Variants in DCAF1 observed in about 807,000 individuals in gnomAD.
DCAF1 encodes the protein DDB1 and CUL4 associated factor 1, also known as DDB1- and CUL4-associated factor 1.
A neutral mutation model predicts 128.0 loss-of-function variants in DCAF1; 15 were observed. The ratio of observed to expected loss-of-function variants is 0.12; its 90% CI spans 0.08 to 0.18. The LOEUF (loss-of-function observed/expected upper bound fraction) is 0.18. DCAF1 is among the 10% of genes least tolerant of loss of function. The pLI is 1.00. For missense variants in DCAF1, 988 were observed against 1,649.5 expected, an observed-to-expected ratio of 0.60 and a Z score of 6.95; for synonymous variants, 610 against 603.0, an observed-to-expected ratio of 1.01 and a Z score of -0.17.
intron 5 of DCAF1, among the ~76,000 whole-genome samples, chr3:51,464,768 G>A (rs538330312): frequency 6.6e-6 from 1 of 152,192 alleles, no homozygotes; most frequent in East Asian, 1.9e-4. Context: ...AAGCCCCTAG[G>A]AGGGCACAAG....
chr3:51,479,197 C>T (rs1246710513), intron 3 of DCAF1, among the ~76,000 whole-genome samples: 1 of 151,978 alleles, frequency 6.6e-6, no homozygotes, highest in Non-Finnish European at 1.5e-5. Context: ...TGAGGAGACA[C>T]CAATAAAAAG....
At chr3:51,444,676 T>C (rs1324588131) in intron 6 of DCAF1, among the ~76,000 whole-genome samples, 1 of 148,924 alleles carries the variant, frequency 6.7e-6, no homozygotes, top group African/African-American at 2.5e-5. Flanking sequence ...TATTGATTGA[T>C]TGATTGATTG....
intron 10 of DCAF1, among the ~76,000 whole-genome samples, chr3:51,431,659 A>C (rs1422892895): frequency 6.6e-6 from 1 of 152,180 alleles, no homozygotes; most frequent in East Asian, 1.9e-4. Context: ...TGTTAATATA[A>C]AACAAGCATC....
intron 9 of DCAF1, 28 bp downstream of exon 9, chr3:51,440,942 G>C (rs370980906): frequency 6.4e-7 from 1 of 1,564,334 alleles, no homozygotes; most frequent in Non-Finnish European, 8.7e-7. Context: ...AAAAATCCCC[G>C]GTGACCCAAT....
At chr3:51,444,955 A>G (rs782134143) in intron 6 of DCAF1, among the ~76,000 whole-genome samples, 132 of 151,734 alleles carry the variant, frequency 8.7e-4, no homozygotes, top group African/African-American at 1.2e-3. Context: ...GATTACAGGC[A>G]TGAGCCACCA....
intron 7 of DCAF1, among the ~76,000 whole-genome samples, chr3:51,442,210 T>C (rs1004898538): frequency 6.6e-6 from 1 of 152,222 alleles, no homozygotes; most frequent in Non-Finnish European, 1.5e-5. Context: ...AGAAATTAGA[T>C]ATATTCATGA....
At position 51,398,581 on chromosome 3, in the gene DCAF1, G is replaced by A. The variant is rs971292299; in HGVS notation, c.*188C>T. 6.9e-5 allele frequency: 46 copies of A among 667,532 alleles called. No homozygotes were observed. Among genetic ancestry groups the A allele is most frequent in the Admixed American group, 2.9e-5 (1 of 34,288 alleles). The allele number at this position is 667,532 out of a possible 1,614,324, so 41.4% of individuals were successfully genotyped here. A position where few individuals can be genotyped will look rare whatever the true frequency, so the allele number is the denominator to read the frequency against. ...GCCTAGTCCCTGTTGTCATTTTTGT[G>A]GTGGTTATTGATTCTGGAAGGACCC... is the stretch of plus-strand genomic sequence containing the variant. On this transcript the variant is annotated 3_prime_UTR_variant, in exon 25 of 25. Coordinates refer to ENST00000684031, the MANE Select transcript of DCAF1 (RefSeq NM_001387579.1).
intron 20 of DCAF1, 112 bp downstream of exon 20, chr3:51,413,838 C>T: frequency 2.4e-6 from 3 of 1,243,616 alleles, no homozygotes; most frequent in Admixed American, 7.8e-5. Context: ...TATGTTACAA[C>T]TCTCAAATGC....
intron 5 of DCAF1, among the ~76,000 whole-genome samples, chr3:51,465,466 G>A (rs1211664583): frequency 6.6e-6 from 1 of 152,188 alleles, no homozygotes; most frequent in Non-Finnish European, 1.5e-5. Context: ...AATACTGGCT[G>A]GGTGCAGTGG....
chr3:51,498,289 G>A (rs1472614933), intron 1 of DCAF1, among the ~76,000 whole-genome samples: 1 of 151,208 alleles, frequency 6.6e-6, no homozygotes, highest in African/African-American at 2.4e-5. Context: ...GAACCTGGGA[G>A]GCGGAGGTTG....
chr3:51,422,255 G>C, intron 14 of DCAF1, 52 bp downstream of exon 14: 1 of 729,342 alleles, frequency 1.4e-6, no homozygotes, highest in South Asian at 1.5e-5. Context: ...GAGTGGCAAA[G>C]AAAAAACAAA....
rs782266199 is a variant in DCAF1, at chr3:51,416,870, G to T, written c.3520C>A (p.His1174Asn). Residue 1174 changes from histidine (H) to asparagine (N), a missense_variant and splice_region_variant, in exon 18 of 25, where the codon CAT becomes AAT. His to Asn is a moderately conservative substitution (Grantham distance 68, BLOSUM62 1). Coordinates refer to ENST00000684031, the MANE Select transcript of DCAF1 (RefSeq NM_001387579.1). ...WGMKSVFDMK[H>N]SFTEDHYVEF... The stretch of plus-strand genomic sequence containing the variant: ...ACATAGTGATCTTCTGTGAAGGAAT[G>T]CCTATGGACAAACAACAGGAGCACT... 2.7e-5 allele frequency: 43 copies of T among 1,606,314 alleles called. No homozygotes were observed. Among genetic ancestry groups the T allele is most frequent in the Non-Finnish European group, 1.7e-6 (2 of 1,176,218 alleles).
intron 7 of DCAF1, among the ~76,000 whole-genome samples, chr3:51,442,707 GA>G (rs1371321307): frequency 2.8e-5 from 4 of 144,500 alleles, no homozygotes; most frequent in African/African-American, 7.7e-5. Context: ...CTCAAAAAAA[GA>G]AAAAAAAAAG....
At chr3:51,419,375 T>C (rs1699190099) in intron 15 of DCAF1, among the ~76,000 whole-genome samples, 1 of 151,686 alleles carries the variant, frequency 6.6e-6, no homozygotes, top group South Asian at 2.1e-4. Context: ...AAAAAAAAAT[T>C]CCCATGTTTA....
chr3:51,402,609 T>C (rs1462817814), intron 24 of DCAF1, among the ~76,000 whole-genome samples: 1 of 115,126 alleles, frequency 8.7e-6, no homozygotes, highest in East Asian at 3.0e-4. Flanking sequence ...AGTCTCACTC[T>C]ATTATCCCAG....
intron 3 of DCAF1, among the ~76,000 whole-genome samples, chr3:51,477,493 G>T (rs1345189269): frequency 6.6e-6 from 1 of 151,602 alleles, no homozygotes; most frequent in African/African-American, 2.4e-5. Flanking sequence ...AATTAGTGGA[G>T]CATGGTAGCA....
At chr3:51,459,363 G>A (rs1703287517) in intron 6 of DCAF1, among the ~76,000 whole-genome samples, 1 of 152,176 alleles carries the variant, frequency 6.6e-6, no homozygotes, top group African/African-American at 2.4e-5. Context: ...CCAGGAAGAA[G>A]TTGAATCTCT....
chr3:51,469,220 A>ATTTT (rs1559550222), intron 4 of DCAF1, among the ~76,000 whole-genome samples: 2 of 143,602 alleles, frequency 1.4e-5, no homozygotes, highest in African/African-American at 5.3e-5. Context: ...TCCACACACA[A>ATTTT]ATTTTTTTTT....
chr3:51,449,608 T>C (rs1702170479), intron 6 of DCAF1, among the ~76,000 whole-genome samples: 1 of 151,760 alleles, frequency 6.6e-6, no homozygotes, highest in East Asian at 1.9e-4. Context: ...CATATGCCAC[T>C]AGAAAAAAAC....
Sources: gnomAD v4.1 joint callset for allele counts (sites outside exome capture counted in the v4.1 genomes callset) on GRCh38, gnomAD v4.1.1 for gene constraint, MANE v1.5 for transcripts, NCBI Gene and HGNC (gene_info 2026-07-23, HGNC 2026-07-21) for gene names.